The following EFNB3 variants were observed in gnomAD, a reference collection of about 807,000 sequenced individuals.
The protein encoded by EFNB3 is ephrin B3.
In EFNB3, 14 loss-of-function variants were observed where a neutral mutation model predicts 29.8. That is an observed-to-expected ratio of 0.47 (90% CI 0.31 to 0.73). The LOEUF is 0.73. EFNB3 is among the 30% of genes least tolerant of loss of function. The pLI, the probability that EFNB3 is intolerant of heterozygous loss-of-function variation, is 0.05. For missense variants in EFNB3, 408 were observed against 458.0 expected (o/e 0.89, Z 1.00); for synonymous variants, 216 against 191.6 (o/e 1.13, Z -1.05).
intron 1 of EFNB3, among the ~76,000 whole-genome samples, chr17:7,706,459 C>T (rs1297834830): frequency 6.6e-6 from 1 of 152,186 alleles, no homozygotes; most frequent in Non-Finnish European, 1.5e-5. Context: ...GGCATGCCAG[C>T]TTTGCTCTGA....
In EFNB3 at chr17:7,709,962, T is replaced by C. The variant is rs1350724898; in HGVS notation, c.*386T>C. 1 of 343,216 alleles carries C rather than the reference T, an allele frequency of 2.9e-6. No homozygotes were observed. The highest frequency in any genetic ancestry group is 5.4e-6 in the Non-Finnish European group (1 of 185,604). The allele number at this position is 343,216 out of a possible 1,614,324, so 21.3% of individuals were successfully genotyped here. A position where few individuals can be genotyped will look rare whatever the true frequency, so the allele number is the denominator to read the frequency against. On this transcript the variant is annotated 3_prime_UTR_variant, in exon 5 of 5. Coordinates refer to ENST00000226091, the MANE Select transcript of EFNB3 (RefSeq NM_001406.4). The surrounding 1 kb of genome is among the most constrained non-coding windows in gnomAD (Gnocchi z 4.5). ...CTTTCTGCCTCTCACTGGTTTTCTC[T>C]TCTCTATCTCTTATTCTTTCCCTCT... is the stretch of plus-strand genomic sequence containing the variant.
In EFNB3 at chr17:7,710,849, A is replaced by C. The variant is rs1288146120; in HGVS notation, c.*1273A>C. The C allele has an allele frequency of 1.3e-5, 2 of 152,676 alleles. No individual in the cohort carries two copies. The highest frequency in any genetic ancestry group is 4.8e-5 in the African/African-American group (2 of 41,434). The allele number at this position is 152,676 out of a possible 1,614,324, so 9.5% of individuals were successfully genotyped here. On this transcript the variant is annotated 3_prime_UTR_variant, in exon 5 of 5. Transcript: ENST00000226091. Reference sequence around the variant, plus strand: ...TATCCCAGTATAATCTCTGTTAATCAACAGGACTACCCCAAGAACCCATGT... The same window carrying C: ...TATCCCAGTATAATCTCTGTTAATCCACAGGACTACCCCAAGAACCCATGT...
At chr17:7,707,673 C>G (rs959863636) in intron 1 of EFNB3, among the ~76,000 whole-genome samples, 2 of 152,060 alleles carry the variant, frequency 1.3e-5, no homozygotes, top group African/African-American at 4.8e-5. Context: ...GGTGATGGAG[C>G]GGGAGATGGC....
At position 7,709,007 on chromosome 17, in the gene EFNB3, G is replaced by A. The variant is rs1292226297; in HGVS notation, c.614-160G>A. 1.3e-5 allele frequency among the ~76,000 whole-genome samples: 2 copies of A among 152,210 alleles called. No individual in the cohort carries two copies. Among genetic ancestry groups the A allele is most frequent in the African/African-American group, 4.8e-5 (2 of 41,462 alleles). The stretch of plus-strand genomic sequence containing the variant: ...AGGAAGCTGAAGGGCTGGACACCTG[G>A]ATTCTGAGCAGAGTTCGGAGGGGGA... On this transcript the variant is annotated intron_variant, in intron 4 of 4. Transcript: ENST00000226091. This position sits in a 1 kb window ranked among gnomAD's most constrained non-coding sequence, Gnocchi z 4.5.
rs991003038 is a variant in EFNB3 at position 7,709,876 on chromosome 17, TC to T, written c.*305del. 3.4e-5 allele frequency: 17 copies of T among 494,118 alleles called. No individual in the cohort carries two copies. Among genetic ancestry groups the T allele is most frequent in the Middle Eastern group, 5.4e-4 (1 of 1,844 alleles). The allele number at this position is 494,118 out of a possible 1,614,324, so 30.6% of individuals were successfully genotyped here. On this transcript the variant is annotated 3_prime_UTR_variant, in exon 5 of 5. Coordinates refer to ENST00000226091, the MANE Select transcript of EFNB3 (RefSeq NM_001406.4). This position sits in a 1 kb window ranked among gnomAD's most constrained non-coding sequence, Gnocchi z 4.5. Reference sequence around the variant, plus strand: ...TCTGACCATGACCCAGGCATCCTTGTCCCCCTCACCCACCCAGAGCTAGGGG... The same window carrying T: ...TCTGACCATGACCCAGGCATCCTTGTCCCCTCACCCACCCAGAGCTAGGGG...
chr17:7,707,911 A>G, intron 1 of EFNB3, 47 bp from the exon 2 acceptor site: 2 of 1,547,812 alleles, frequency 1.3e-6, no homozygotes, highest in Non-Finnish European at 1.7e-6. Flanking sequence ...TCTGGGGGCC[A>G]GGCCTCTGAC....
chr17:7,707,723 A>G (rs1046044662), intron 1 of EFNB3, among the ~76,000 whole-genome samples: 3 of 152,096 alleles, frequency 2.0e-5, no homozygotes, highest in African/African-American at 7.2e-5. Flanking sequence ...AGTGGAGTGC[A>G]TTTGGGCACA....
Position 7,708,815 on chromosome 17 carries a change from TC to T in EFNB3, c.613+79del, listed in dbSNP as rs1189024997. 1 of 1,255,318 alleles carries T rather than the reference TC, an allele frequency of 8.0e-7. No homozygotes were observed. Among genetic ancestry groups the T allele is most frequent in the Non-Finnish European group, 1.1e-6 (1 of 934,484 alleles). The allele number at this position is 1,255,318 out of a possible 1,614,324, so 77.8% of individuals were successfully genotyped here. On this transcript the variant is annotated intron_variant, in intron 4 of 4. Transcript: ENST00000226091. This position sits in a 1 kb window ranked among gnomAD's most constrained non-coding sequence, Gnocchi z 6.8. ...GACCCCAGCTGCCCTGCCGTCACCCTCCCTCCCTCTTCAGTTTTGGGGGCGG... is the reference window on the plus strand; with the variant it reads ...GACCCCAGCTGCCCTGCCGTCACCCTCCTCCCTCTTCAGTTTTGGGGGCGG...
Position 7,708,517 on chromosome 17 carries a change from A to G in EFNB3, c.498A>G (p.Arg166=), listed in dbSNP as rs551346886. 72 of 1,613,614 alleles carry G rather than the reference A, an allele frequency of 4.5e-5. 1 individual carries two copies. The South Asian group carries it at 6.9e-4, about 16-fold the overall frequency. Residue 166 remains arginine, a synonymous_variant, in exon 3 of 5, where the codon CGA becomes CGG. Coordinates refer to ENST00000226091, the MANE Select transcript of EFNB3 (RefSeq NM_001406.4). The surrounding 1 kb of genome is among the most constrained non-coding windows in gnomAD (Gnocchi z 6.8). ...CCAGAGGCATGAAGGTGCTTCTCCG[A>G]GTGGGACAAAGTGAGTGGGGCTGGG... The part of the protein sequence containing the change: ...CLTRGMKVLL[R]VGQSPRGGAV...
In EFNB3 at chr17:7,710,611, G is replaced by A. The variant is rs2074346512; in HGVS notation, c.*1035G>A. 6.6e-6 allele frequency: 1 copy of A among 152,660 alleles called. No individual in the cohort carries two copies. Among genetic ancestry groups the A allele is most frequent in the Non-Finnish European group, 1.5e-5 (1 of 68,066 alleles). 9.5% of individuals were successfully genotyped at this position (152,660 alleles called of 1,614,324 possible). A position where few individuals can be genotyped will look rare whatever the true frequency, so the allele number is the denominator to read the frequency against. On this transcript the variant is annotated 3_prime_UTR_variant, in exon 5 of 5. Transcript: ENST00000226091. ...GTGGGAGGTGGATGGTTCTTATTCTGTGGAGAAGAAGGGCGGGAAGAACTT... is the reference window on the plus strand; with the variant it reads ...GTGGGAGGTGGATGGTTCTTATTCTATGGAGAAGAAGGGCGGGAAGAACTT...
chr17:7,708,765 C>T lies in EFNB3; in HGVS notation c.613+26C>T. The T allele has an allele frequency of 1.3e-6, 2 of 1,509,568 alleles. No individual in the cohort carries two copies. 93.5% of individuals were successfully genotyped at this position (1,509,568 alleles called of 1,614,324 possible). On this transcript the variant is annotated intron_variant, in intron 4 of 4. Coordinates refer to ENST00000226091, the MANE Select transcript of EFNB3 (RefSeq NM_001406.4). This position sits in a 1 kb window ranked among gnomAD's most constrained non-coding sequence, Gnocchi z 6.8. Reference sequence around the variant, plus strand: ...GTAGGAACCAGGGGCTAGGCCCCTGCCTTCCCCAGCTTCCTCTGCTCTCAG... The same window carrying T: ...GTAGGAACCAGGGGCTAGGCCCCTGTCTTCCCCAGCTTCCTCTGCTCTCAG...
Position 7,705,518 on chromosome 17 carries a change from C to A in EFNB3, c.-81C>A, listed in dbSNP as rs553089566. 4.0e-3 allele frequency: 2,752 copies of A among 691,152 alleles called. 11 individuals carry two copies. The highest frequency in any genetic ancestry group is 9.1e-3 in the South Asian group (385 of 42,416). 42.8% of individuals were successfully genotyped at this position (691,152 alleles called of 1,614,324 possible). ...TACCGGGGTGGTCCGGGCTGAAGAGCCAGGCAGCCAAGGCAGCCACCCCGG... is the reference window on the plus strand; with the variant it reads ...TACCGGGGTGGTCCGGGCTGAAGAGACAGGCAGCCAAGGCAGCCACCCCGG... On this transcript the variant is annotated 5_prime_UTR_variant, in exon 1 of 5. Coordinates refer to ENST00000226091, the MANE Select transcript of EFNB3 (RefSeq NM_001406.4). This position sits in a 1 kb window ranked among gnomAD's most constrained non-coding sequence, Gnocchi z 5.4.
Position 7,705,536 on chromosome 17 carries a change from C to T in EFNB3, c.-63C>T. Reference sequence around the variant, plus strand: ...TGAAGAGCCAGGCAGCCAAGGCAGCCACCCCGGGGGGTGGGCGACTTTGGG... The same window carrying T: ...TGAAGAGCCAGGCAGCCAAGGCAGCTACCCCGGGGGGTGGGCGACTTTGGG... On this transcript the variant is annotated 5_prime_UTR_variant, in exon 1 of 5. Coordinates refer to ENST00000226091, the MANE Select transcript of EFNB3 (RefSeq NM_001406.4). This position sits in a 1 kb window ranked among gnomAD's most constrained non-coding sequence, Gnocchi z 5.4. 1.0e-6 allele frequency: 1 copy of T among 980,644 alleles called. No homozygotes were observed. The highest frequency in any genetic ancestry group is 3.2e-5 in the East Asian group (1 of 31,470). 60.7% of individuals were successfully genotyped at this position (980,644 alleles called of 1,614,324 possible).
rs2074324096 is a variant in EFNB3 at position 7,705,480 on chromosome 17, T to TG, written c.-114dup. 2 of 545,954 alleles carry TG rather than the reference T, an allele frequency of 3.7e-6. No individual in the cohort carries two copies. Among genetic ancestry groups the TG allele is most frequent in the Non-Finnish European group, 6.2e-6 (2 of 324,602 alleles). 33.8% of individuals were successfully genotyped at this position (545,954 alleles called of 1,614,324 possible). On this transcript the variant is annotated 5_prime_UTR_variant, in exon 1 of 5. Coordinates refer to ENST00000226091, the MANE Select transcript of EFNB3 (RefSeq NM_001406.4). This position sits in a 1 kb window ranked among gnomAD's most constrained non-coding sequence, Gnocchi z 5.4. Reference sequence around the variant, plus strand: ...GCAGGAAGCAGGTCCGCGTGGGCGCTGGGGGCATCAGCTACCGGGGTGGTC... The same window carrying TG: ...GCAGGAAGCAGGTCCGCGTGGGCGCTGGGGGGCATCAGCTACCGGGGTGGTC...
rs200531566 is a variant in EFNB3 at position 7,708,573 on chromosome 17, G to T, written c.508+46G>T. 6.7e-5 allele frequency: 107 copies of T among 1,601,232 alleles called. 1 individual carries two copies. The East Asian group carries it at 2.0e-3, about 30-fold the overall frequency. The stretch of plus-strand genomic sequence containing the variant: ...CCTCCTGGGCACGAAGGGACGTTGG[G>T]GCAGTACGATCATGGTTGGGGCAGT... On this transcript the variant is annotated intron_variant, in intron 3 of 4. Coordinates refer to ENST00000226091, the MANE Select transcript of EFNB3 (RefSeq NM_001406.4). The surrounding 1 kb of genome is among the most constrained non-coding windows in gnomAD (Gnocchi z 6.8).
chr17:7,705,896 G>A lies in EFNB3; in HGVS notation c.122+176G>A, dbSNP rs1309224718. On this transcript the variant is annotated intron_variant, in intron 1 of 4. Transcript: ENST00000226091. This position sits in a 1 kb window ranked among gnomAD's most constrained non-coding sequence, Gnocchi z 5.4. ...TTGGGAGCCAGACTCCGGGTCCCAC[G>A]CAGAGCTGGATGCGGGTGGTGCTAT... is the stretch of plus-strand genomic sequence containing the variant. Among the ~76,000 whole-genome samples, 1 of 151,728 alleles carries A rather than the reference G, an allele frequency of 6.6e-6. No homozygotes were observed. The highest frequency in any genetic ancestry group is 6.6e-5 in the Admixed American group (1 of 15,212).
In EFNB3 at chr17:7,709,483, C is replaced by T. The variant is rs1281828837; in HGVS notation, c.930C>T (p.His310=). ...CTGCAGATCCCCCCTTCTGCCCCCA[C>T]TATGAGAAGGTGAGTGGTGACTATG... ...GGAADPPFCP[H]YEKVSGDYGH... Residue 310 remains histidine (H), a synonymous_variant, in exon 5 of 5, where the codon CAC becomes CAT. Coordinates refer to ENST00000226091, the MANE Select transcript of EFNB3 (RefSeq NM_001406.4). This position sits in a 1 kb window ranked among gnomAD's most constrained non-coding sequence, Gnocchi z 4.5. 6 of 1,613,730 alleles carry T rather than the reference C, an allele frequency of 3.7e-6. No homozygotes were observed. Among genetic ancestry groups the T allele is most frequent in the Non-Finnish European group, 5.1e-6 (6 of 1,179,854 alleles).
intron 1 of EFNB3, 82 bp from the exon 2 acceptor site, chr17:7,707,876 G>A: frequency 6.8e-7 from 1 of 1,466,384 alleles, no homozygotes. Flanking sequence ...TGTCCTGGAA[G>A]GTTGTGGGGT....
In EFNB3 at chr17:7,708,551, C is replaced by T; in HGVS notation, c.508+24C>T. 1 of 1,609,950 alleles carries T rather than the reference C, an allele frequency of 6.2e-7. No individual in the cohort carries two copies. Among genetic ancestry groups the T allele is most frequent in the South Asian group, 1.1e-5 (1 of 90,208 alleles). On this transcript the variant is annotated intron_variant, in intron 3 of 4. Transcript: ENST00000226091. This position sits in a 1 kb window ranked among gnomAD's most constrained non-coding sequence, Gnocchi z 6.8. ...AAGTGAGTGGGGCTGGGGGACACCT[C>T]CTGGGCACGAAGGGACGTTGGGGCA...
Sources: allele counts gnomAD v4.1 joint callset (sites outside exome capture counted in the v4.1 genomes callset), GRCh38; gene constraint gnomAD v4.1.1; non-coding constraint Gnocchi (gnomAD v3.1); transcripts MANE v1.5; gene names NCBI Gene and HGNC (gene_info 2026-07-23, HGNC 2026-07-21).